The following CNTNAP2 variants were observed in gnomAD, a reference collection of about 807,000 sequenced individuals.
The protein encoded by CNTNAP2 is contactin associated protein 2, also known as contactin-associated protein-like 2.
Under a neutral mutation model 155.2 loss-of-function variants are expected in CNTNAP2, and 98 were observed. The ratio of observed to expected loss-of-function variants is 0.63; its 90% CI spans 0.54 to 0.75. The LOEUF is 0.75. Ranked by LOEUF, CNTNAP2 falls within the 30% of genes least tolerant of loss-of-function variation. CNTNAP2 has a pLI of 0.00. For missense variants in CNTNAP2, 1,727 were observed against 1,688.1 expected, an observed-to-expected ratio of 1.02 and a Z score of -0.40; for synonymous variants, 651 against 631.2, an observed-to-expected ratio of 1.03 and a Z score of -0.47.
At chr7:146,912,992 T>C (rs1056575582) in intron 3 of CNTNAP2, among the ~76,000 whole-genome samples, 6 of 152,172 alleles carry the variant, frequency 3.9e-5, no homozygotes, top group Non-Finnish European at 2.9e-5. Flanking sequence ...TATATGTAGA[T>C]GATGTCTTCA....
intron 21 of CNTNAP2, among the ~76,000 whole-genome samples, chr7:148,332,051 A>AG (rs977700580): frequency 2.0e-5 from 3 of 152,048 alleles, no homozygotes; most frequent in Non-Finnish European, 4.4e-5. Context: ...GAGGTGCTGG[A>AG]GGAGCTAAAG....
At chr7:148,320,672 C>A (rs887893460) in intron 21 of CNTNAP2, among the ~76,000 whole-genome samples, 21 of 152,146 alleles carry the variant, frequency 1.4e-4, no homozygotes, top group African/African-American at 5.1e-4. Context: ...GCGTGAGCCA[C>A]CACACCCAGC....
At chr7:146,583,892 G>T (rs1798649137) in intron 1 of CNTNAP2, among the ~76,000 whole-genome samples, 1 of 152,202 alleles carries the variant, frequency 6.6e-6, no homozygotes, top group Admixed American at 6.5e-5. Flanking sequence ...TTGTACTAGA[G>T]CTGGTTTTAC....
At chr7:148,374,897 A>G (rs1387349738) in intron 21 of CNTNAP2, among the ~76,000 whole-genome samples, 1 of 152,206 alleles carries the variant, frequency 6.6e-6, no homozygotes, top group Non-Finnish European at 1.5e-5. Flanking sequence ...AAATCATAGC[A>G]CCCAGCTCTG....
At chr7:148,058,643 G>A (rs767801815) in intron 15 of CNTNAP2, among the ~76,000 whole-genome samples, 1 of 152,094 alleles carries the variant, frequency 6.6e-6, no homozygotes, top group East Asian at 1.9e-4. Flanking sequence ...AAGGCGTGTC[G>A]CTTGACTGAG....
At chr7:146,986,720 T>C (rs1197204897) in intron 3 of CNTNAP2, among the ~76,000 whole-genome samples, 1 of 152,068 alleles carries the variant, frequency 6.6e-6, no homozygotes, top group Non-Finnish European at 1.5e-5. Flanking sequence ...GTGGTATTGC[T>C]TTGTGGTTTT....
chr7:147,724,081 T>A (rs1247451194), intron 13 of CNTNAP2, among the ~76,000 whole-genome samples: 1 of 151,972 alleles, frequency 6.6e-6, no homozygotes, highest in East Asian at 1.9e-4. Flanking sequence ...TTACTGGTAA[T>A]CATCATAATA....
chr7:146,783,570 A>G (rs1314685977), intron 2 of CNTNAP2, among the ~76,000 whole-genome samples: 4 of 152,212 alleles, frequency 2.6e-5, no homozygotes, highest in African/African-American at 9.6e-5. Flanking sequence ...AATGACTCAT[A>G]CATTTTGTTT....
intron 18 of CNTNAP2, among the ~76,000 whole-genome samples, chr7:148,206,203 TA>T (rs1795446912): frequency 6.8e-6 from 1 of 148,014 alleles, no homozygotes; most frequent in African/African-American, 2.4e-5. Flanking sequence ...TTACATATAA[TA>T]TATATTATAA....
intron 1 of CNTNAP2, among the ~76,000 whole-genome samples, chr7:146,392,943 TAAAGAA>T (rs1234356427): frequency 6.6e-6 from 1 of 152,048 alleles, no homozygotes; most frequent in African/African-American, 2.4e-5. Flanking sequence ...GAGATTTAGT[TAAAGAA>T]AAGGGGAAAG....
intron 14 of CNTNAP2, among the ~76,000 whole-genome samples, chr7:147,904,978 T>C (rs1213089315): frequency 6.6e-6 from 1 of 152,128 alleles, no homozygotes; most frequent in African/African-American, 2.4e-5. Context: ...GGGCATGGTC[T>C]TTGAAATTAA....
intron 13 of CNTNAP2, among the ~76,000 whole-genome samples, chr7:147,731,982 A>G (rs1796748381): frequency 6.6e-6 from 1 of 152,154 alleles, no homozygotes; most frequent in African/African-American, 2.4e-5. Flanking sequence ...TAATTTCATG[A>G]TAAAACTTTA....
intron 8 of CNTNAP2, among the ~76,000 whole-genome samples, chr7:147,169,972 C>T (rs1563101072): frequency 1.3e-5 from 2 of 152,032 alleles, no homozygotes; most frequent in East Asian, 3.9e-4. Context: ...TGCTTAAGAA[C>T]CATTGCTGAG....
chr7:148,318,161 T>A (rs576678467), intron 21 of CNTNAP2, among the ~76,000 whole-genome samples: 1 of 152,304 alleles, frequency 6.6e-6, no homozygotes, highest in African/African-American at 2.4e-5. Flanking sequence ...TGATAGAGCC[T>A]AGATCTTAGA....
chr7:147,929,079 C>T (rs376764554), intron 14 of CNTNAP2, among the ~76,000 whole-genome samples: 21 of 84,858 alleles, frequency 2.5e-4, no homozygotes, highest in African/African-American at 8.9e-4. Flanking sequence ...GCAACAAGAA[C>T]GAAACTCCAT....
At chr7:148,135,715 G>A (rs1481461208) in intron 16 of CNTNAP2, among the ~76,000 whole-genome samples, 1 of 150,350 alleles carries the variant, frequency 6.7e-6, no homozygotes, top group Non-Finnish European at 1.5e-5. Context: ...TGGGTGTGGT[G>A]GCAGGTGCGT....
intron 3 of CNTNAP2, among the ~76,000 whole-genome samples, chr7:146,955,900 A>T (rs1037122432): frequency 1.3e-5 from 2 of 152,118 alleles, no homozygotes; most frequent in African/African-American, 4.8e-5. Flanking sequence ...TACTTACCGC[A>T]GTAAACGGTC....
chr7:147,566,186 C>A (rs1470735820), intron 12 of CNTNAP2, among the ~76,000 whole-genome samples: 1 of 149,962 alleles, frequency 6.7e-6, no homozygotes, highest in African/African-American at 2.5e-5. Flanking sequence ...GTCCCAGCTA[C>A]TTAGGAGGCT....
intron 13 of CNTNAP2, among the ~76,000 whole-genome samples, chr7:147,686,345 G>A (rs1796017593): frequency 6.6e-6 from 1 of 152,026 alleles, no homozygotes; most frequent in African/African-American, 2.4e-5. Flanking sequence ...AAGAAGGCTT[G>A]GGGGAAATGT....
Sources: gnomAD v4.1 joint callset for allele counts (sites outside exome capture counted in the v4.1 genomes callset) on GRCh38, gnomAD v4.1.1 for gene constraint, MANE v1.5 for transcripts, NCBI Gene and HGNC (gene_info 2026-07-23, HGNC 2026-07-21) for gene names.